The following LRP11 variants were observed in gnomAD, a reference collection of about 807,000 sequenced individuals.
The protein encoded by LRP11 is low-density lipoprotein receptor-related protein 11.
Under a neutral mutation model 43.1 loss-of-function variants are expected in LRP11, and 25 were observed. The ratio of observed to expected loss-of-function variants is 0.58; its 90% confidence interval spans 0.42 to 0.81. The LOEUF (loss-of-function observed/expected upper bound fraction) is 0.81, where lower values mean the gene tolerates loss of function less well. LRP11 is among the 30% of genes least tolerant of loss of function. The pLI is 0.00. For synonymous variants in LRP11, 316 were observed against 299.4 expected (o/e 1.06, Z -0.57); for missense variants, 623 against 665.1 (o/e 0.94, Z 0.70).
intron 1 of LRP11, among the ~76,000 whole-genome samples, chr6:149,863,070 TAACAC>T (rs1776949223): frequency 1.3e-5 from 2 of 152,198 alleles, no homozygotes; most frequent in Non-Finnish European, 2.9e-5. Context: ...TGCAATTACT[TAACAC>T]AAACCATGCC....
intron 2 of LRP11, among the ~76,000 whole-genome samples, chr6:149,846,691 A>G (rs570240371): frequency 1.0e-3 from 152 of 152,252 alleles, no homozygotes; most frequent in African/African-American, 2.9e-3. Flanking sequence ...TAATCTCACC[A>G]CTTTGGGAGG....
At chr6:149,838,961 T>C (rs949641146) in intron 3 of LRP11, among the ~76,000 whole-genome samples, 2 of 151,900 alleles carry the variant, frequency 1.3e-5, no homozygotes, top group African/African-American at 4.8e-5. Flanking sequence ...CTCAGGAACA[T>C]GGGGAAGTGG....
intron 1 of LRP11, among the ~76,000 whole-genome samples, chr6:149,853,363 C>T (rs1427057653): frequency 6.6e-6 from 1 of 151,918 alleles, no homozygotes; most frequent in Non-Finnish European, 1.5e-5. Context: ...GGAGTGTTGG[C>T]TGGTAGCGAT....
At chr6:149,834,021 C>G (rs1046196767) in intron 5 of LRP11, among the ~76,000 whole-genome samples, 2 of 152,122 alleles carry the variant, frequency 1.3e-5, no homozygotes, top group African/African-American at 4.8e-5. Flanking sequence ...TGCTCCCCCT[C>G]CCCCTACCTC....
intron 1 of LRP11, among the ~76,000 whole-genome samples, chr6:149,859,250 T>C (rs998629055): frequency 6.6e-6 from 1 of 151,514 alleles, no homozygotes; most frequent in Non-Finnish European, 1.5e-5. Flanking sequence ...TAAATGAAAA[T>C]TGGCCTTATT....
rs1583072625 is a variant in LRP11, at chr6:149,819,387, G to C, written c.*1162C>G. ...TACACTCCTCTCAGAATCATTTCTA[G>C]AATGTGTATAATCCCGGCGTTAAGT... On this transcript the variant is annotated 3_prime_UTR_variant, in exon 7 of 7. Transcript: ENST00000239367. 1 of 152,150 alleles carries C rather than the reference G, an allele frequency of 6.6e-6. No homozygotes were observed. The highest frequency in any genetic ancestry group is 1.9e-4 in the East Asian group (1 of 5,196). 9.4% of individuals were successfully genotyped at this position (152,150 alleles called of 1,614,324 possible).
chr6:149,838,361 G>A (rs1275925085), intron 3 of LRP11, among the ~76,000 whole-genome samples: 1 of 151,978 alleles, frequency 6.6e-6, no homozygotes, highest in East Asian at 1.9e-4. Flanking sequence ...ACAAAATTTA[G>A]TTATGGGCTG....
At chr6:149,842,891 G>T (rs1182142480) in intron 3 of LRP11, 92 bp downstream of exon 3, 4 of 1,423,596 alleles carry the variant, frequency 2.8e-6, no homozygotes, top group Non-Finnish European at 3.9e-6. Flanking sequence ...TAAAATGGAA[G>T]AGCCCATGGA....
At chr6:149,838,192 T>C (rs993841307) in intron 3 of LRP11, among the ~76,000 whole-genome samples, 1 of 151,778 alleles carries the variant, frequency 6.6e-6, no homozygotes, top group African/African-American at 2.4e-5. Flanking sequence ...GTGCTGGGAT[T>C]ACAGGTGTTA....
chr6:149,844,020 C>T (rs1776591085), intron 2 of LRP11, among the ~76,000 whole-genome samples: 1 of 152,094 alleles, frequency 6.6e-6, no homozygotes, highest in African/African-American at 2.4e-5. Flanking sequence ...TTTGGGAGGC[C>T]AAGGCGGGCG....
chr6:149,836,268 T>C lies in LRP11; in HGVS notation c.1069A>G (p.Thr357Ala). 6.2e-7 allele frequency: 1 copy of C among 1,614,184 alleles called. No homozygotes were observed. Among genetic ancestry groups the C allele is most frequent in the Non-Finnish European group, 8.5e-7 (1 of 1,180,016 alleles). The change falls in exon 5 of 7, where the codon ACG becomes GCG. Residue 357 changes from threonine to alanine, a missense_variant. Physicochemically the swap from Thr to Ala is moderately conservative, Grantham distance 58 (BLOSUM62 0). Coordinates refer to ENST00000239367, the MANE Select transcript of LRP11 (RefSeq NM_032832.6). ...LGLDRKMVTH[T>A]AASPALPRTT... ...CTTGGCAGGGCAGGACTAGCTGCCG[T>C]GTGGGTTACCATCTTGCGGTCCAGG... is the stretch of plus-strand genomic sequence containing the variant.
chr6:149,857,937 G>A (rs181145055), intron 1 of LRP11, among the ~76,000 whole-genome samples: 1 of 152,162 alleles, frequency 6.6e-6, no homozygotes, highest in Non-Finnish European at 1.5e-5. Context: ...CTTTCACAAC[G>A]AATCTCTGAG....
In LRP11 at chr6:149,820,334, T is replaced by C. The variant is rs2115367098; in HGVS notation, c.*215A>G. 1 of 405,918 alleles carries C rather than the reference T, an allele frequency of 2.5e-6. No individual in the cohort carries two copies. The highest frequency in any genetic ancestry group is 3.7e-5 in the South Asian group (1 of 26,680). The allele number at this position is 405,918 out of a possible 1,614,324, so 25.1% of individuals were successfully genotyped here. On this transcript the variant is annotated 3_prime_UTR_variant, in exon 7 of 7. Transcript: ENST00000239367. Reference sequence around the variant, plus strand: ...CTTACATAAATCAGAATTATATTTTTAGGAATCTTTAATCATGAATTCCTC... The same window carrying C: ...CTTACATAAATCAGAATTATATTTTCAGGAATCTTTAATCATGAATTCCTC...
chr6:149,852,357 T>G (rs1776732279), intron 2 of LRP11: 1 of 152,222 alleles, frequency 6.6e-6, no homozygotes, highest in African/African-American at 2.4e-5. Context: ...CTTATTTGCC[T>G]AAGCCAGGAA....
intron 2 of LRP11, among the ~76,000 whole-genome samples, chr6:149,851,712 T>C (rs1776721985): frequency 6.6e-6 from 1 of 152,184 alleles, no homozygotes; most frequent in East Asian, 1.9e-4. Context: ...AGATGGCAGA[T>C]GAGCCTTGGA....
chr6:149,835,420 C>G (rs1418900087), intron 5 of LRP11, among the ~76,000 whole-genome samples: 1 of 152,100 alleles, frequency 6.6e-6, no homozygotes. Flanking sequence ...GGCAACATGG[C>G]AAAACCTTGT....
chr6:149,864,212 G>T lies in LRP11; in HGVS notation c.-192C>A. On this transcript the variant is annotated 5_prime_UTR_variant, in exon 1 of 7. Transcript: ENST00000239367. ...GGGCGCCGGCGGGAACCGCAGTAGCGGGAGACATAGCCGGCCCAGCCGGGC... is the reference window on the plus strand; with the variant it reads ...GGGCGCCGGCGGGAACCGCAGTAGCTGGAGACATAGCCGGCCCAGCCGGGC... The T allele has an allele frequency of 9.0e-7, 1 of 1,113,144 alleles. No individual in the cohort carries two copies. The highest frequency in any genetic ancestry group is 1.1e-6 in the Non-Finnish European group (1 of 913,538). The allele number at this position is 1,113,144 out of a possible 1,614,324, so 69.0% of individuals were successfully genotyped here.
Position 149,853,293 on chromosome 6 carries a change from T to C in LRP11, c.614-133A>G, listed in dbSNP as rs1776750803. 5.7e-6 allele frequency: 4 copies of C among 706,442 alleles called. No individual in the cohort carries two copies. In the East Asian group the frequency reaches 9.3e-5, roughly 16 times the overall value. 43.8% of individuals were successfully genotyped at this position (706,442 alleles called of 1,614,324 possible). On this transcript the variant is annotated intron_variant, in intron 1 of 6. Transcript: ENST00000239367. ...GAGAATCCATATTAAATGGAAATTA[T>C]TTTTCTATTTATTTTATGATCGTGG...
At position 149,853,172 on chromosome 6, in the gene LRP11, A is replaced by T. The variant is rs774476272; in HGVS notation, c.614-12T>A. On this transcript the variant is annotated splice_polypyrimidine_tract_variant and intron_variant, in intron 1 of 6. Transcript: ENST00000239367. ...AGGCGCATCCTTTTCTGAGAAAGAAAATAAATAATTCATAAAAGATGATTT... is the reference window on the plus strand; with the variant it reads ...AGGCGCATCCTTTTCTGAGAAAGAATATAAATAATTCATAAAAGATGATTT... 2 of 1,550,298 alleles carry T rather than the reference A, an allele frequency of 1.3e-6. No homozygotes were observed. Among genetic ancestry groups the T allele is most frequent in the Non-Finnish European group, 1.7e-6 (2 of 1,150,874 alleles).
Sources: allele counts gnomAD v4.1 joint callset (sites outside exome capture counted in the v4.1 genomes callset), GRCh38; gene constraint gnomAD v4.1.1; transcripts MANE v1.5; gene names NCBI Gene and HGNC (gene_info 2026-07-23, HGNC 2026-07-21).